The following CLEC2D variants were observed in gnomAD, a reference collection of about 807,000 sequenced individuals.
CLEC2D encodes C-type lectin related f.
A neutral mutation model predicts 20.0 loss-of-function variants in CLEC2D; 16 were observed. The ratio of observed to expected loss-of-function variants is 0.80; its 90% CI spans 0.54 to 1.22. CLEC2D has a LOEUF of 1.22. Among genes scored for constraint, CLEC2D ranks in the 50% most tolerant of loss-of-function variants. The probability of loss-of-function intolerance (pLI) is 0.00; values close to 1 mark genes in which losing one functional copy is unlikely to be tolerated. For missense variants in CLEC2D, 207 were observed against 221.5 expected (o/e 0.93, Z 0.42); for synonymous variants, 77 against 71.1 (o/e 1.08, Z -0.42).
rs1865966182 is a variant in CLEC2D at position 9,695,623 on chromosome 12, A to AT, written c.*750dup. ...TAAAGTAACACTGGCAACTTTGAAA[A>AT]TGTCTGTACAGCCAACGGTTTCTCT... On this transcript the variant is annotated 3_prime_UTR_variant, in exon 5 of 5. Coordinates refer to ENST00000290855, the MANE Select transcript of CLEC2D (RefSeq NM_013269.6). The AT allele has an allele frequency of 1.3e-6, 2 of 1,563,922 alleles. No individual in the cohort carries two copies. The highest frequency in any genetic ancestry group is 3.3e-5 in the Admixed American group (2 of 59,804).
intron 2 of CLEC2D, among the ~76,000 whole-genome samples, chr12:9,685,456 G>C (rs2080210): frequency 0.23 from 35,051 of 152,176 alleles, 5,617 homozygotes; most frequent in African/African-American, 0.46. Flanking sequence ...CTTTCCCCCA[G>C]GTGCTCTGTC....
intron 1 of CLEC2D, among the ~76,000 whole-genome samples, chr12:9,674,464 T>C (rs1865484139): frequency 6.6e-6 from 1 of 152,218 alleles, no homozygotes; most frequent in South Asian, 2.1e-4. Context: ...GTACCTCAGA[T>C]GGAGATGCAG....
At chr12:9,670,999 A>G (rs1343062190) in intron 1 of CLEC2D, among the ~76,000 whole-genome samples, 2 of 152,124 alleles carry the variant, frequency 1.3e-5, no homozygotes, top group East Asian at 3.8e-4. Context: ...CTTCCTCTTC[A>G]CCATCTGACC....
At position 9,682,971 on chromosome 12, in the gene CLEC2D, A is replaced by T. The variant is rs1865666949; in HGVS notation, c.172+1938A>T. Among the ~76,000 whole-genome samples, 3 of 152,174 alleles carry T rather than the reference A, an allele frequency of 2.0e-5. 1 individual carries two copies. Among genetic ancestry groups the T allele is most frequent in the Non-Finnish European group, 4.4e-5 (3 of 68,016 alleles). ...AATTTACACTCCCACCAACAGTGTA[A>T]AAGTGTTCCTATTTCTCTACATCCT... On this transcript the variant is annotated intron_variant, in intron 2 of 4. Coordinates refer to ENST00000290855, the MANE Select transcript of CLEC2D (RefSeq NM_013269.6).
At chr12:9,671,525 T>C (rs1865425850) in intron 1 of CLEC2D, among the ~76,000 whole-genome samples, 1 of 152,248 alleles carries the variant, frequency 6.6e-6, no homozygotes, top group Admixed American at 6.5e-5. Flanking sequence ...CGGCCGAGGA[T>C]TAACCTTTCT....
intron 4 of CLEC2D, chr12:9,693,190 C>T (rs1865904888): frequency 4.8e-6 from 5 of 1,039,014 alleles, no homozygotes; most frequent in Non-Finnish European, 7.5e-6. Flanking sequence ...TTAAGCAAAC[C>T]ATACAATATC....
chr12:9,692,779 G>C (rs766435137), intron 3 of CLEC2D, 49 bp from the exon 4 acceptor site: 2 of 1,257,830 alleles, frequency 1.6e-6, no homozygotes, highest in South Asian at 1.3e-5. Flanking sequence ...TTCTGGGAGA[G>C]GATGGGTTAT....
In CLEC2D at chr12:9,699,452, CT is replaced by C. The variant is rs1218407479; in HGVS notation, c.*4582del. ...CAAGCTTGAGTAATGTTCATGCCTG[CT>C]TTTCATTGAAATAGAATGAAAAGGT... On this transcript the variant is annotated 3_prime_UTR_variant, in exon 5 of 5. Transcript: ENST00000290855. 5.9e-5 allele frequency: 9 copies of C among 152,194 alleles called. No individual in the cohort carries two copies. In the East Asian group the frequency reaches 1.7e-3, roughly 29 times the overall value. 9.4% of individuals were successfully genotyped at this position (152,194 alleles called of 1,614,324 possible).
At chr12:9,675,622 G>A (rs1865507348) in intron 1 of CLEC2D, among the ~76,000 whole-genome samples, 1 of 151,990 alleles carries the variant, frequency 6.6e-6, no homozygotes, top group South Asian at 2.1e-4. Flanking sequence ...TGCTTTTCTG[G>A]GTCTTTTGCC....
Position 9,698,729 on chromosome 12 carries a change from T to C in CLEC2D, c.*3855T>C, listed in dbSNP as rs142646388. 2.5e-4 allele frequency: 38 copies of C among 152,242 alleles called. No homozygotes were observed. The highest frequency in any genetic ancestry group is 8.9e-4 in the African/African-American group (37 of 41,542). 9.4% of individuals were successfully genotyped at this position (152,242 alleles called of 1,614,324 possible). Reference sequence around the variant, plus strand: ...ATGGAGTAAAGAGACAACTTACAGATTGGGAGAATATATTTCCAAACTATT... The same window carrying C: ...ATGGAGTAAAGAGACAACTTACAGACTGGGAGAATATATTTCCAAACTATT... On this transcript the variant is annotated 3_prime_UTR_variant, in exon 5 of 5. Coordinates refer to ENST00000290855, the MANE Select transcript of CLEC2D (RefSeq NM_013269.6).
intron 3 of CLEC2D, among the ~76,000 whole-genome samples, chr12:9,689,012 A>C (rs1319628630): frequency 6.6e-6 from 1 of 152,178 alleles, no homozygotes; most frequent in Non-Finnish European, 1.5e-5. Context: ...ACTGCTGCCC[A>C]TGTTCTTGTA....
At chr12:9,688,148 A>C in intron 3 of CLEC2D, 62 bp downstream of exon 3, 1 of 1,423,870 alleles carries the variant, frequency 7.0e-7, no homozygotes. Context: ...TTTTCCTGTG[A>C]AATTATCTAA....
At position 9,698,671 on chromosome 12, in the gene CLEC2D, A is replaced by G. The variant is rs747423447; in HGVS notation, c.*3797A>G. On this transcript the variant is annotated 3_prime_UTR_variant, in exon 5 of 5. Transcript: ENST00000290855. Reference sequence around the variant, plus strand: ...TAAACAAATGAAATTGCATAAAATAAAAAATGTTTCTGCACAGCAAAGGAA... The same window carrying G: ...TAAACAAATGAAATTGCATAAAATAGAAAATGTTTCTGCACAGCAAAGGAA... 1.9e-4 allele frequency: 29 copies of G among 152,346 alleles called. No individual in the cohort carries two copies. Among genetic ancestry groups the G allele is most frequent in the African/African-American group, 6.7e-4 (28 of 41,580 alleles). 9.4% of individuals were successfully genotyped at this position (152,346 alleles called of 1,614,324 possible).
At position 9,695,529 on chromosome 12, in the gene CLEC2D, A is replaced by C; in HGVS notation, c.*655A>C. On this transcript the variant is annotated 3_prime_UTR_variant, in exon 5 of 5. Transcript: ENST00000290855. ...AGTTATCTTTAAGAACGGTCAGCTC[A>C]GGGGCTGGTGCAAAGGATGAACTGC... The C allele has an allele frequency of 1.6e-6, 2 of 1,261,010 alleles. No homozygotes were observed. Among genetic ancestry groups the C allele is most frequent in the Non-Finnish European group, 2.3e-6 (2 of 874,444 alleles). The allele number at this position is 1,261,010 out of a possible 1,614,324, so 78.1% of individuals were successfully genotyped here.
Position 9,698,042 on chromosome 12 carries a change from G to C in CLEC2D, c.*3168G>C, listed in dbSNP as rs769000431. The C allele has an allele frequency of 6.6e-6, 1 of 152,198 alleles. No homozygotes were observed. Among genetic ancestry groups the C allele is most frequent in the South Asian group, 2.1e-4 (1 of 4,820 alleles). 9.4% of individuals were successfully genotyped at this position (152,198 alleles called of 1,614,324 possible). A position where few individuals can be genotyped will look rare whatever the true frequency, so the allele number is the denominator to read the frequency against. ...TATACAATAAAAAAGCACATTGGGA[G>C]ATACATGATAAATTTCTATCTGCAG... On this transcript the variant is annotated 3_prime_UTR_variant, in exon 5 of 5. Coordinates refer to ENST00000290855, the MANE Select transcript of CLEC2D (RefSeq NM_013269.6).
intron 3 of CLEC2D, among the ~76,000 whole-genome samples, chr12:9,689,346 C>T (rs1865817388): frequency 6.6e-6 from 1 of 152,120 alleles, no homozygotes; most frequent in Non-Finnish European, 1.5e-5. Flanking sequence ...TGAGCCACAA[C>T]AACCAAGATT....
chr12:9,692,932 G>A lies in CLEC2D; in HGVS notation c.461+1G>A. The A allele has an allele frequency of 3.1e-6, 5 of 1,611,228 alleles. No individual in the cohort carries two copies. Among genetic ancestry groups the A allele is most frequent in the Non-Finnish European group, 4.2e-6 (5 of 1,177,600 alleles). ...TAAATGGTACTGAATGGACAAGACA[G>A]TAAGTTCTAAAAATCTGGCAGTAAT... On this transcript the variant is annotated splice_donor_variant, in intron 4 of 4. Coordinates refer to ENST00000290855, the MANE Select transcript of CLEC2D (RefSeq NM_013269.6). LOFTEE classifies it high-confidence loss of function.
chr12:9,688,849 T>G (rs1480287050), intron 3 of CLEC2D, among the ~76,000 whole-genome samples: 1 of 152,204 alleles, frequency 6.6e-6, no homozygotes, highest in Non-Finnish European at 1.5e-5. Flanking sequence ...GAAGTAACTA[T>G]TTTGGAATTC....
At chr12:9,677,371 T>C (rs901411810) in intron 1 of CLEC2D, among the ~76,000 whole-genome samples, 2 of 152,238 alleles carry the variant, frequency 1.3e-5, no homozygotes, top group African/African-American at 4.8e-5. Context: ...TTGACCCATA[T>C]GTTGTTTAGA....
Sources: gnomAD v4.1 joint callset for allele counts (sites outside exome capture counted in the v4.1 genomes callset) on GRCh38, gnomAD v4.1.1 for gene constraint, MANE v1.5 for transcripts, NCBI Gene and HGNC (gene_info 2026-07-23, HGNC 2026-07-21) for gene names.